The following MTCL3 variants were observed in gnomAD, a reference collection of about 807,000 sequenced individuals.
MTCL3 encodes the protein microtubule cross-linking factor 3.
the MTCL3 span, among the ~76,000 whole-genome samples, chr6:127,488,399 C>T: frequency 6.6e-6 from 1 of 152,204 alleles, no homozygotes; most frequent in Non-Finnish European, 1.5e-5. Flanking sequence ...GTTTCAATGT[C>T]TGTTTTCTCA....
At chr6:127,501,291 T>G in the MTCL3 span, among the ~76,000 whole-genome samples, 1 of 152,184 alleles carries the variant, frequency 6.6e-6, no homozygotes, top group Non-Finnish European at 1.5e-5. Flanking sequence ...ATAAACCCAA[T>G]AGCTACATTT....
chr6:127,513,158 C>G, the MTCL3 span: 1 of 1,015,336 alleles, frequency 9.8e-7, no homozygotes, highest in Non-Finnish European at 1.4e-6. Context: ...ATGGTGTTTA[C>G]CATGTGCCAG....
the MTCL3 span, among the ~76,000 whole-genome samples, chr6:127,510,607 A>T: frequency 6.6e-6 from 1 of 152,250 alleles, no homozygotes. Context: ...TAAAACATTC[A>T]CATGACACCA....
the MTCL3 span, among the ~76,000 whole-genome samples, chr6:127,502,149 G>A: frequency 1.1e-4 from 16 of 152,246 alleles, no homozygotes; most frequent in Admixed American, 5.9e-4. Context: ...GAATTAAATA[G>A]AAATATAATT....
the MTCL3 span, chr6:127,475,826 G>C: frequency 6.2e-7 from 1 of 1,613,280 alleles, no homozygotes; most frequent in South Asian, 1.1e-5. The surrounding 1 kb of genome is among the most constrained non-coding windows in gnomAD (Gnocchi z 7.3). Flanking sequence ...TCGTAGCGCT[G>C]CATGTTGGAC....
chr6:127,513,301 G>C, the MTCL3 span, among the ~76,000 whole-genome samples: 9 of 152,136 alleles, frequency 5.9e-5, no homozygotes, highest in Admixed American at 5.9e-4. Flanking sequence ...GAGAGGTCAA[G>C]GTCACACAGC....
chr6:127,511,664 A>C, the MTCL3 span, among the ~76,000 whole-genome samples: 1 of 152,204 alleles, frequency 6.6e-6, no homozygotes, highest in Non-Finnish European at 1.5e-5. Context: ...CTACTATAGC[A>C]CAGAGCGACT....
At chr6:127,516,142 CCGAGTTT>C in the MTCL3 span, 1 of 1,449,112 alleles carries the variant, frequency 6.9e-7, no homozygotes, top group Non-Finnish European at 9.0e-7. Flanking sequence ...AGGGGGTTCC[CCGAGTTT>C]CGAGGGCACG....
chr6:127,515,796 C>A, the MTCL3 span: 3 of 1,608,374 alleles, frequency 1.9e-6, no homozygotes, highest in Non-Finnish European at 2.5e-6. This position sits in a 1 kb window ranked among gnomAD's most constrained non-coding sequence, Gnocchi z 4.3. Flanking sequence ...GAGCCGCGGC[C>A]GCCGCCGCTG....
chr6:127,486,716 C>G, the MTCL3 span, among the ~76,000 whole-genome samples: 1 of 152,198 alleles, frequency 6.6e-6, no homozygotes, highest in East Asian at 1.9e-4. Flanking sequence ...TTTTTTTGAT[C>G]ATGAGAAGGC....
At chr6:127,483,720 T>C in the MTCL3 span, among the ~76,000 whole-genome samples, 7 of 152,342 alleles carry the variant, frequency 4.6e-5, no homozygotes, top group Middle Eastern at 6.8e-3. Context: ...CCAAACTGTT[T>C]CAAGGACAAG....
chr6:127,486,503 C>T, the MTCL3 span, among the ~76,000 whole-genome samples: 9 of 152,138 alleles, frequency 5.9e-5, no homozygotes, highest in Admixed American at 5.9e-4. Flanking sequence ...TTGTCATCCT[C>T]CCCCACCATC....
chr6:127,502,317 A>T, the MTCL3 span, among the ~76,000 whole-genome samples: 1 of 152,226 alleles, frequency 6.6e-6, no homozygotes, highest in African/African-American at 2.4e-5. Context: ...GCAGTAAGGT[A>T]GAAGAGAGAT....
chr6:127,506,184 T>C, the MTCL3 span, among the ~76,000 whole-genome samples: 4 of 152,214 alleles, frequency 2.6e-5, no homozygotes, highest in African/African-American at 9.7e-5. Context: ...AAAAAATGAC[T>C]ATTATCTTTT....
chr6:127,497,031 G>T, the MTCL3 span, among the ~76,000 whole-genome samples: 1 of 152,034 alleles, frequency 6.6e-6, no homozygotes, highest in Admixed American at 6.6e-5. Context: ...GGAAGAAATA[G>T]GAATTAACAA....
chr6:127,514,987 C>T, the MTCL3 span: 1 of 1,614,158 alleles, frequency 6.2e-7, no homozygotes. Context: ...TGACAGGCAT[C>T]CTCCTCGAAG....
chr6:127,474,349 C>G, the MTCL3 span, among the ~76,000 whole-genome samples: 1 of 152,042 alleles, frequency 6.6e-6, no homozygotes, highest in East Asian at 1.9e-4. Flanking sequence ...GTAATCTTGG[C>G]TCACTGCAAC....
the MTCL3 span, among the ~76,000 whole-genome samples, chr6:127,483,952 A>C: frequency 6.6e-6 from 1 of 152,194 alleles, no homozygotes; most frequent in African/African-American, 2.4e-5. Flanking sequence ...AAATTGATAA[A>C]TGCTATGCTT....
chr6:127,497,964 G>T, the MTCL3 span, among the ~76,000 whole-genome samples: 1 of 151,948 alleles, frequency 6.6e-6, no homozygotes, highest in Non-Finnish European at 1.5e-5. Context: ...TTGTAGATCT[G>T]AATGTAAGAG....
Sources: allele counts gnomAD v4.1 joint callset (sites outside exome capture counted in the v4.1 genomes callset), GRCh38; gene constraint gnomAD v4.1.1; non-coding constraint Gnocchi (gnomAD v3.1); transcripts MANE v1.5; gene names NCBI Gene and HGNC (gene_info 2026-07-23, HGNC 2026-07-21).